USH2A: variants seen among roughly 807,000 people sequenced by gnomAD.
USH2A encodes the protein Usher syndrome 2A (autosomal recessive, mild).
In USH2A, 443 loss-of-function variants were observed where a neutral mutation model predicts 538.9. That is an observed-to-expected ratio of 0.82 (90% confidence interval 0.76 to 0.89). The LOEUF (loss-of-function observed/expected upper bound fraction) is 0.89, where lower values mean the gene tolerates loss of function less well. Ranked by LOEUF, USH2A falls within the 40% of genes least tolerant of loss-of-function variation. USH2A has a pLI of 0.00. For missense variants in USH2A, 6,633 were observed against 6,324.8 expected (o/e 1.05, Z -1.65); for synonymous variants, 2,413 against 2,273.5 (o/e 1.06, Z -1.75).
Position 215,625,827 on chromosome 1 carries a change from C to G in USH2A, c.15563G>C (p.Ser5188Thr), listed in dbSNP as rs779531682. ...TGTGGTGCGTTCCTTAGTCACTGAG[C>G]TGAAATCCTTGATGGCGTTCATCAG... Reference protein sequence around the residue: ...EDLMNAIKDFSSVTKERTTFT... With the variant: ...EDLMNAIKDFTSVTKERTTFT... Residue 5188 changes from serine to threonine, a missense_variant, in exon 72 of 72, where the codon AGC becomes ACC. Coordinates refer to ENST00000307340, the MANE Select transcript of USH2A (RefSeq NM_206933.4). The G allele has an allele frequency of 3.1e-6, 5 of 1,614,078 alleles. No individual in the cohort carries two copies. In the Admixed American group the frequency reaches 8.3e-5, roughly 27 times the overall value.
rs1664832182 is a variant in USH2A, at chr1:215,878,624, G to A, written c.8558+140C>T. On this transcript the variant is annotated intron_variant, in intron 42 of 71. Transcript: ENST00000307340. The stretch of plus-strand genomic sequence containing the variant: ...AAGTTGAAGTGTACAGTATGATAGT[G>A]TATGAAAGTTATGAGTCAGGGGATA... The A allele has an allele frequency of 1.1e-5, 9 of 795,222 alleles. No homozygotes were observed. In the South Asian group the frequency reaches 1.4e-4, roughly 12 times the overall value. The allele number at this position is 795,222 out of a possible 1,614,324, so 49.3% of individuals were successfully genotyped here.
intron 32 of USH2A, among the ~76,000 whole-genome samples, chr1:216,022,186 T>A (rs1668859391): frequency 6.6e-6 from 1 of 152,134 alleles, no homozygotes; most frequent in Non-Finnish European, 1.5e-5. Flanking sequence ...ACCTCTTTTC[T>A]TTATAAATTA....
chr1:215,724,777 T>C (rs889893138), intron 61 of USH2A, among the ~76,000 whole-genome samples: 2 of 152,150 alleles, frequency 1.3e-5, no homozygotes, highest in African/African-American at 4.8e-5. Context: ...AGTCTCACAG[T>C]AGACTTCAAC....
At chr1:216,412,014 T>C (rs2039498160) in intron 3 of USH2A, among the ~76,000 whole-genome samples, 1 of 152,180 alleles carries the variant, frequency 6.6e-6, no homozygotes, top group Admixed American at 6.5e-5. Flanking sequence ...TTTATTTGTG[T>C]AATTATTTGA....
chr1:215,888,417 G>A lies in USH2A; in HGVS notation c.8223+9C>T. On this transcript the variant is annotated intron_variant, in intron 41 of 71. Transcript: ENST00000307340. ...GTCTGCAAAGGAGAGAGAATAGTCA[G>A]TATCTTACCTGGACTGCATCGGGTT... 6.8e-6 allele frequency: 11 copies of A among 1,612,474 alleles called. No individual in the cohort carries two copies. The highest frequency in any genetic ancestry group is 3.3e-5 in the South Asian group (3 of 91,010).
At chr1:216,321,163 T>C (rs1305813163) in intron 9 of USH2A, among the ~76,000 whole-genome samples, 1 of 152,196 alleles carries the variant, frequency 6.6e-6, no homozygotes, top group African/African-American at 2.4e-5. Context: ...TAAACATATT[T>C]ACTGAAGAGT....
At chr1:215,773,162 T>A (rs1661342045) in intron 55 of USH2A, among the ~76,000 whole-genome samples, 2 of 152,026 alleles carry the variant, frequency 1.3e-5, no homozygotes, top group South Asian at 4.1e-4. Context: ...GCTGCAGACA[T>A]AGGTAAACAA....
intron 20 of USH2A, among the ~76,000 whole-genome samples, chr1:216,177,977 C>T (rs368425997): frequency 6.3e-4 from 96 of 152,178 alleles, no homozygotes; most frequent in Middle Eastern, 6.8e-3. Flanking sequence ...CATACACAGA[C>T]GCAAAGTCAT....
intron 62 of USH2A, among the ~76,000 whole-genome samples, chr1:215,677,444 A>G (rs1658070428): frequency 6.6e-6 from 1 of 151,968 alleles, no homozygotes; most frequent in East Asian, 1.9e-4. Context: ...TTTTCTTTTC[A>G]TCTAAATGGC....
chr1:216,073,436 G>A (rs1180533100), intron 27 of USH2A, 136 bp from the exon 28 acceptor site: 4 of 923,524 alleles, frequency 4.3e-6, no homozygotes, highest in Non-Finnish European at 6.7e-6. Context: ...AGTCTTCCTT[G>A]GAAAACCTTT....
At chr1:216,384,083 T>G (rs971607420) in intron 3 of USH2A, among the ~76,000 whole-genome samples, 2 of 151,850 alleles carry the variant, frequency 1.3e-5, no homozygotes, top group Admixed American at 1.3e-4. Flanking sequence ...AACCAATTAT[T>G]TTTTTCTGTC....
At chr1:215,870,398 C>T (rs1163618711) in intron 43 of USH2A, among the ~76,000 whole-genome samples, 1 of 151,056 alleles carries the variant, frequency 6.6e-6, no homozygotes, top group African/African-American at 2.4e-5. Flanking sequence ...GGGTTCACGC[C>T]ATTCTCCTGC....
Position 216,321,913 on chromosome 1 carries a change from G to A in USH2A, c.1614C>T (p.Cys538=), listed in dbSNP as rs1195403033. 4.3e-6 allele frequency: 7 copies of A among 1,613,864 alleles called. No individual in the cohort carries two copies. In the South Asian group the frequency reaches 6.6e-5, roughly 15 times the overall value. Residue 538 remains cysteine (C), a synonymous_variant, in exon 9 of 72, where the codon TGC becomes TGT. Transcript: ENST00000307340. ...DTTSQPYRCL[C]SQESFTEGLH... is the part of the protein sequence containing the mutation. Reference sequence around the variant, plus strand: ...GTCCTTCAGTGAAGCTCTCCTGGGAGCAGAGGCATCTATATGGCTGGCTTG... The same window carrying A: ...GTCCTTCAGTGAAGCTCTCCTGGGAACAGAGGCATCTATATGGCTGGCTTG...
chr1:215,707,330 T>A (rs908550519), intron 61 of USH2A, among the ~76,000 whole-genome samples: 2 of 152,148 alleles, frequency 1.3e-5, no homozygotes, highest in African/African-American at 4.8e-5. Context: ...GCAGTCAACT[T>A]AGAAGAATTG....
chr1:216,138,465 T>C (rs962152748), intron 21 of USH2A, among the ~76,000 whole-genome samples: 7 of 152,212 alleles, frequency 4.6e-5, no homozygotes, highest in South Asian at 2.1e-4. Flanking sequence ...TCATGGGTGA[T>C]AAGCTTCAAT....
In USH2A at chr1:216,046,510, A is replaced by C; in HGVS notation, c.6246T>G (p.Asn2082Lys). 6.2e-7 allele frequency: 1 copy of C among 1,613,834 alleles called. No individual in the cohort carries two copies. Among genetic ancestry groups the C allele is most frequent in the South Asian group, 1.1e-5 (1 of 91,070 alleles). ...ATAAACAGTACTGAGTTATAATACC[A>C]TTTGCCTTTTTGGGTGGGTTCCAGG... is the stretch of plus-strand genomic sequence containing the variant. ...LLSWNPPKKA[N>K]GIITQYCLYM... Residue 2082 changes from asparagine to lysine, a missense_variant, in exon 32 of 72, where the codon AAT (asparagine) becomes AAG (lysine). Physicochemically the swap from Asn to Lys is moderately conservative, Grantham distance 94. Coordinates refer to ENST00000307340, the MANE Select transcript of USH2A (RefSeq NM_206933.4).
intron 32 of USH2A, among the ~76,000 whole-genome samples, chr1:216,022,882 T>C (rs898736089): frequency 6.6e-6 from 1 of 152,070 alleles, no homozygotes; most frequent in Non-Finnish European, 1.5e-5. Flanking sequence ...AATGGAAGAA[T>C]AGCAGTGCTC....
intron 35 of USH2A, among the ~76,000 whole-genome samples, chr1:215,977,661 C>T (rs370546971): frequency 2.0e-4 from 30 of 151,980 alleles, no homozygotes; most frequent in East Asian, 1.8e-3. Flanking sequence ...TATAGGTGCC[C>T]GCCATCACGC....
chr1:216,027,951 C>T (rs971481744), intron 32 of USH2A, among the ~76,000 whole-genome samples: 2 of 152,180 alleles, frequency 1.3e-5, no homozygotes, highest in African/African-American at 4.8e-5. Flanking sequence ...ATTGTGTAAG[C>T]ACCAAAATTC....
Sources: allele counts gnomAD v4.1 joint callset (sites outside exome capture counted in the v4.1 genomes callset), GRCh38; gene constraint gnomAD v4.1.1; transcripts MANE v1.5; gene names NCBI Gene and HGNC (gene_info 2026-07-23, HGNC 2026-07-21).